The following SCARB1 variants were observed in gnomAD, a reference collection of about 807,000 sequenced individuals.
SCARB1 encodes the protein CD36 and LIMPII analogous 1.
Under a neutral mutation model 57.2 loss-of-function variants are expected in SCARB1, and 30 were observed. The observed-to-expected ratio is 0.52, with a 90% CI of 0.39 to 0.71. SCARB1 has a LOEUF of 0.71. Among genes scored for constraint, SCARB1 ranks in the 30% least tolerant of loss-of-function variants. SCARB1 has a pLI of 0.00. For synonymous variants in SCARB1, 249 were observed against 268.3 expected, an observed-to-expected ratio of 0.93 and a Z score of 0.70; for missense variants, 543 against 671.2, an observed-to-expected ratio of 0.81 and a Z score of 2.11.
intron 7 of SCARB1, among the ~76,000 whole-genome samples, chr12:124,801,827 A>C (rs1157025146): frequency 1.4e-4 from 20 of 145,400 alleles, no homozygotes; most frequent in South Asian, 6.6e-4. Flanking sequence ...GCCTCGGCAA[A>C]AGAGCAAGAC....
At chr12:124,787,894 TA>T (rs1949581037) in intron 9 of SCARB1, among the ~76,000 whole-genome samples, 2 of 152,184 alleles carry the variant, frequency 1.3e-5, no homozygotes, top group African/African-American at 4.8e-5. Context: ...TACAGTACAA[TA>T]AGATATTTTG....
At chr12:124,842,213 G>C (rs893612129) in intron 1 of SCARB1, among the ~76,000 whole-genome samples, 6 of 152,214 alleles carry the variant, frequency 3.9e-5, no homozygotes, top group Non-Finnish European at 7.3e-5. Flanking sequence ...CCAGCCAGGA[G>C]CAAGAGGGCA....
chr12:124,842,045 C>T (rs1334190309), intron 1 of SCARB1, among the ~76,000 whole-genome samples: 3 of 152,352 alleles, frequency 2.0e-5, no homozygotes, highest in Admixed American at 6.5e-5. Flanking sequence ...GGTCCCTCCT[C>T]CTCCTCCCAC....
chr12:124,796,122 T>C lies in SCARB1; in HGVS notation c.1129-854A>G, dbSNP rs184836001. On this transcript the variant is annotated intron_variant, in intron 8 of 12. Transcript: ENST00000261693. This position sits in a 1 kb window ranked among gnomAD's most constrained non-coding sequence, Gnocchi z 4.0. The stretch of plus-strand genomic sequence containing the variant: ...GTGTGCGCCAGCACACTCGGCTAAT[T>C]TTTGTATTTTTAGTAAAGACAGGGT... Among the ~76,000 whole-genome samples, 13 of 152,254 alleles carry C rather than the reference T, an allele frequency of 8.5e-5. No individual in the cohort carries two copies. Among genetic ancestry groups the C allele is most frequent in the African/African-American group, 2.9e-4 (12 of 41,554 alleles).
At chr12:124,787,515 A>T in intron 9 of SCARB1, 58 bp from the exon 10 acceptor site, 3 of 1,486,542 alleles carry the variant, frequency 2.0e-6, no homozygotes, top group Non-Finnish European at 2.8e-6. Context: ...AACTTGATCT[A>T]ATTCTGCTTG....
In SCARB1 at chr12:124,800,052, GGA is replaced by G. The variant is rs1252323452; in HGVS notation, c.1128+70_1128+71del. Reference sequence around the variant, plus strand: ...CAGCCCACAGCAGCTCTCTGCCTGGGGAGAGAGGAGGCAGCCAGGTGTGCTCC... The same window carrying G: ...CAGCCCACAGCAGCTCTCTGCCTGGGGAGAGGAGGCAGCCAGGTGTGCTCC... On this transcript the variant is annotated intron_variant, in intron 8 of 12. Transcript: ENST00000261693. The surrounding 1 kb of genome is among the most constrained non-coding windows in gnomAD (Gnocchi z 4.8). 1.7e-6 allele frequency: 2 copies of G among 1,147,002 alleles called. No individual in the cohort carries two copies. The highest frequency in any genetic ancestry group is 2.6e-6 in the Non-Finnish European group (2 of 756,852). 71.1% of individuals were successfully genotyped at this position (1,147,002 alleles called of 1,614,324 possible). A position where few individuals can be genotyped will look rare whatever the true frequency, so the allele number is the denominator to read the frequency against.
chr12:124,821,272 G>GCA (rs967827072), intron 1 of SCARB1: 74 of 412,672 alleles, frequency 1.8e-4, no homozygotes, highest in Non-Finnish European at 2.2e-4. Context: ...ACACACACGC[G>GCA]CACACACACA....
At chr12:124,845,243 G>GA (rs34048880) in intron 1 of SCARB1, among the ~76,000 whole-genome samples, 4 of 152,122 alleles carry the variant, frequency 2.6e-5, no homozygotes, top group African/African-American at 9.7e-5. Context: ...CAGAGGCGCG[G>GA]AAAAACAGCA....
intron 1 of SCARB1, chr12:124,840,110 T>A: frequency 8.1e-7 from 1 of 1,229,996 alleles, no homozygotes; most frequent in Non-Finnish European, 1.1e-6. Flanking sequence ...TATGAGTGTG[T>A]CTCACTGATT....
intron 1 of SCARB1, among the ~76,000 whole-genome samples, chr12:124,838,082 C>G (rs1286932649): frequency 6.6e-6 from 1 of 152,240 alleles, no homozygotes. Context: ...AGCAGCAGGG[C>G]TGAGTAGCTG....
intron 4 of SCARB1, among the ~76,000 whole-genome samples, chr12:124,813,515 G>A (rs1456837336): frequency 2.0e-5 from 3 of 152,180 alleles, no homozygotes; most frequent in South Asian, 2.1e-4. Context: ...GCAGTCAAAC[G>A]TAGATTATAC....
intron 10 of SCARB1, 40 bp from the exon 11 acceptor site, chr12:124,786,543 A>T (rs1414255068): frequency 6.2e-7 from 1 of 1,611,658 alleles, no homozygotes; most frequent in Non-Finnish European, 8.5e-7. Context: ...CTGGGGCCGC[A>T]GGCTGCGGGC....
In SCARB1 at chr12:124,815,101, T is replaced by C; in HGVS notation, c.298A>G (p.Lys100Glu). 3 of 1,613,830 alleles carry C rather than the reference T, an allele frequency of 1.9e-6. No individual in the cohort carries two copies. ...TTGTTGTTGAAGGTGATGTTGCTTTTGTGCCTGAACTCCCTGTGGGGGAAG... is the reference window on the plus strand; with the variant it reads ...TTGTTGTTGAAGGTGATGTTGCTTTCGTGCCTGAACTCCCTGTGGGGGAAG... Reference protein sequence around the residue: ...GPYVYREFRHKSNITFNNNDT... With the variant: ...GPYVYREFRHESNITFNNNDT... Residue 100 changes from lysine to glutamate, a missense_variant, in exon 3 of 13, where the codon AAA becomes GAA. Coordinates refer to ENST00000261693, the MANE Select transcript of SCARB1 (RefSeq NM_005505.5).
chr12:124,820,393 T>TG (rs1486733144), intron 1 of SCARB1, among the ~76,000 whole-genome samples: 1 of 152,110 alleles, frequency 6.6e-6, no homozygotes, highest in African/African-American at 2.4e-5. Context: ...GAGGTCTTCC[T>TG]GGGGGAGGTG....
rs202143609 is a variant in SCARB1 at position 124,814,133 on chromosome 12, G to GT, written c.630+68dup. 7.1e-4 allele frequency: 1,023 copies of GT among 1,441,710 alleles called. 17 individuals are homozygous for GT. In the East Asian group the frequency reaches 0.021, roughly 29 times the overall value. 89.3% of individuals were successfully genotyped at this position (1,441,710 alleles called of 1,614,324 possible). On this transcript the variant is annotated intron_variant, in intron 4 of 12. Transcript: ENST00000261693. The surrounding 1 kb of genome is among the most constrained non-coding windows in gnomAD (Gnocchi z 4.7). ...GCTACAAAGCAAGCTGGTGACCAGTGTCCAGGCTGTGTGAGGGGAAGACAG... is the reference window on the plus strand; with the variant it reads ...GCTACAAAGCAAGCTGGTGACCAGTGTTCCAGGCTGTGTGAGGGGAAGACAG...
intron 11 of SCARB1, chr12:124,785,447 C>T (rs573629707): frequency 6.5e-6 from 1 of 152,922 alleles, no homozygotes; most frequent in South Asian, 2.1e-4. Flanking sequence ...AGTGGCCGCT[C>T]CAGGCAGCAT....
chr12:124,795,275 C>A lies in SCARB1; in HGVS notation c.1129-7G>T. 1.2e-6 allele frequency: 2 copies of A among 1,612,918 alleles called. No individual in the cohort carries two copies. Among genetic ancestry groups the A allele is most frequent in the Non-Finnish European group, 1.7e-6 (2 of 1,179,052 alleles). On this transcript the variant is annotated splice_region_variant and splice_polypyrimidine_tract_variant and intron_variant, in intron 8 of 12. Transcript: ENST00000261693. ...TCATGGGGATTCCCGTGACCTGCGG[C>A]AACAAACACAGTGAGGAGACTGGCC...
At chr12:124,856,777 G>A (rs1345166088) in intron 1 of SCARB1, among the ~76,000 whole-genome samples, 1 of 152,238 alleles carries the variant, frequency 6.6e-6, no homozygotes, top group Non-Finnish European at 1.5e-5. Flanking sequence ...TAAAGGCGCA[G>A]AGCGGGCGGC....
intron 1 of SCARB1, among the ~76,000 whole-genome samples, chr12:124,818,805 C>CT (rs1950835541): frequency 6.6e-6 from 1 of 152,054 alleles, no homozygotes; most frequent in African/African-American, 2.4e-5. Flanking sequence ...ACCACCATAC[C>CT]TGGTTAATTT....
Sources: gnomAD v4.1 joint callset for allele counts (sites outside exome capture counted in the v4.1 genomes callset) on GRCh38, gnomAD v4.1.1 for gene constraint, Gnocchi (gnomAD v3.1) non-coding constraint, MANE v1.5 for transcripts, NCBI Gene and HGNC (gene_info 2026-07-23, HGNC 2026-07-21) for gene names.